The following ASAP1 variants were observed in gnomAD, a reference collection of about 807,000 sequenced individuals.
ASAP1 encodes arf-GAP with SH3 domain, ANK repeat and PH domain-containing protein 1.
In ASAP1, 43 loss-of-function variants were observed where a neutral mutation model predicts 145.2. The ratio of observed to expected loss-of-function variants is 0.30; its 90% CI spans 0.23 to 0.38. The LOEUF (loss-of-function observed/expected upper bound fraction) is 0.38, where lower values mean the gene tolerates loss of function less well. Among genes scored for constraint, ASAP1 ranks in the 10% least tolerant of loss-of-function variants. ASAP1 has a pLI of 1.00. For synonymous variants in ASAP1, 546 were observed against 515.5 expected, an observed-to-expected ratio of 1.06 and a Z score of -0.80; for missense variants, 1,018 against 1,355.3, an observed-to-expected ratio of 0.75 and a Z score of 3.91.
At chr8:130,369,995 C>T (rs1397077192) in intron 2 of ASAP1, among the ~76,000 whole-genome samples, 1 of 152,086 alleles carries the variant, frequency 6.6e-6, no homozygotes, top group African/African-American at 2.4e-5. Context: ...TGAATGGGAA[C>T]AGTGCCTTAT....
chr8:130,369,124 T>C (rs1189569856), intron 2 of ASAP1, among the ~76,000 whole-genome samples: 1 of 152,170 alleles, frequency 6.6e-6, no homozygotes, highest in Non-Finnish European at 1.5e-5. Flanking sequence ...TGGGAGAAAA[T>C]AGTTTCAAAT....
At chr8:130,114,972 T>C (rs1398287295) in intron 23 of ASAP1, among the ~76,000 whole-genome samples, 1 of 152,044 alleles carries the variant, frequency 6.6e-6, no homozygotes, top group Non-Finnish European at 1.5e-5. Context: ...TTTGCTTAGG[T>C]TGCTCTCGAA....
chr8:130,135,873 A>G (rs920485926), intron 14 of ASAP1, among the ~76,000 whole-genome samples: 2 of 152,216 alleles, frequency 1.3e-5, no homozygotes, highest in Non-Finnish European at 2.9e-5. Flanking sequence ...CAGGGAATCT[A>G]AACTTCATAC....
intron 1 of ASAP1, among the ~76,000 whole-genome samples, chr8:130,402,778 C>T (rs1188020613): frequency 2.0e-5 from 3 of 152,144 alleles, no homozygotes; most frequent in African/African-American, 7.2e-5. Context: ...CTCTCCCCAC[C>T]TCCACTGGTC....
At position 130,167,756 on chromosome 8, in the gene ASAP1, C is replaced by A. The variant is rs542694192; in HGVS notation, c.823-134G>T. On this transcript the variant is annotated intron_variant, in intron 10 of 29. Transcript: ENST00000518721. ...TTACTAAAAGTCCTTTATACTGTCT[C>A]ATTTTTGATATGATATTTCTCATCT... The A allele has an allele frequency of 1.1e-4, 67 of 624,074 alleles. No homozygotes were observed. The Admixed American group carries it at 1.6e-3, about 15-fold the overall frequency. 38.7% of individuals were successfully genotyped at this position (624,074 alleles called of 1,614,324 possible).
Position 130,358,305 on chromosome 8 carries a change from G to A in ASAP1, c.60-162C>T, listed in dbSNP as rs866590298. Among the ~76,000 whole-genome samples the A allele has an allele frequency of 3.3e-5, 5 of 149,924 alleles. No homozygotes were observed. The highest frequency in any genetic ancestry group is 3.4e-3 in the Middle Eastern group (1 of 290). ...CGTCCCCGGCAGCGGCGAGAGGGAG[G>A]GAAGGAGGCGGGCGAAGGCAGGCGG... On this transcript the variant is annotated intron_variant, in intron 2 of 29. Transcript: ENST00000518721. The surrounding 1 kb of genome is among the most constrained non-coding windows in gnomAD (Gnocchi z 4.1).
chr8:130,321,834 G>C (rs1254959937), intron 3 of ASAP1, among the ~76,000 whole-genome samples: 1 of 152,148 alleles, frequency 6.6e-6, no homozygotes, highest in East Asian at 1.9e-4. Flanking sequence ...ACTTCCCCTA[G>C]TATGAGATTC....
At chr8:130,400,355 T>A (rs1444770919) in intron 2 of ASAP1, among the ~76,000 whole-genome samples, 3 of 152,174 alleles carry the variant, frequency 2.0e-5, no homozygotes, top group African/African-American at 7.2e-5. Flanking sequence ...TATCATCCTC[T>A]AACACAAACT....
intron 11 of ASAP1, 30 bp from the exon 12 acceptor site, chr8:130,159,994 A>C: frequency 6.4e-7 from 1 of 1,565,174 alleles, no homozygotes; most frequent in Non-Finnish European, 8.8e-7. Context: ...GATTAAACAA[A>C]AACTAGAGAC....
At chr8:130,087,010 T>A (rs2097494795) in intron 25 of ASAP1, among the ~76,000 whole-genome samples, 1 of 152,148 alleles carries the variant, frequency 6.6e-6, no homozygotes, top group Non-Finnish European at 1.5e-5. Flanking sequence ...CAAGGCTAAA[T>A]GCAACATCTA....
chr8:130,244,774 T>C (rs1275813666), intron 3 of ASAP1, among the ~76,000 whole-genome samples: 1 of 152,160 alleles, frequency 6.6e-6, no homozygotes, highest in East Asian at 1.9e-4. Flanking sequence ...GTGTCCCCTG[T>C]GGGCCAGGTG....
intron 2 of ASAP1, among the ~76,000 whole-genome samples, chr8:130,370,438 G>A (rs759153030): frequency 6.6e-6 from 1 of 152,226 alleles, no homozygotes; most frequent in Non-Finnish European, 1.5e-5. Flanking sequence ...CTGGTACCCT[G>A]ATCTCAGACT....
At chr8:130,300,190 A>AGAGC (rs1206469856) in intron 3 of ASAP1, among the ~76,000 whole-genome samples, 1 of 148,270 alleles carries the variant, frequency 6.7e-6, no homozygotes, top group Non-Finnish European at 1.5e-5. Context: ...AGAGAGAGCG[A>AGAGC]GCGAGCGAGC....
intron 5 of ASAP1, among the ~76,000 whole-genome samples, chr8:130,196,197 C>G (rs1315128610): frequency 6.6e-6 from 1 of 152,150 alleles, no homozygotes; most frequent in African/African-American, 2.4e-5. Context: ...CAAAAATTAG[C>G]CAGGTGTGTT....
chr8:130,224,997 G>A (rs1295996751), intron 4 of ASAP1, among the ~76,000 whole-genome samples: 1 of 152,180 alleles, frequency 6.6e-6, no homozygotes, highest in Non-Finnish European at 1.5e-5. Flanking sequence ...TCAGCACATA[G>A]ATGTTACTGT....
intron 24 of ASAP1, among the ~76,000 whole-genome samples, chr8:130,104,837 A>G (rs2097534418): frequency 6.6e-6 from 1 of 152,238 alleles, no homozygotes; most frequent in Non-Finnish European, 1.5e-5. Flanking sequence ...TGGGAGACCA[A>G]ATAAAAGTAT....
intron 1 of ASAP1, among the ~76,000 whole-genome samples, chr8:130,403,292 GT>G (rs992999127): frequency 1.5e-5 from 2 of 129,592 alleles, no homozygotes; most frequent in Admixed American, 7.4e-5. Flanking sequence ...TTTAACAAGT[GT>G]TTTTTTTTAA....
chr8:130,371,855 G>T (rs1272838008), intron 2 of ASAP1, among the ~76,000 whole-genome samples: 1 of 152,090 alleles, frequency 6.6e-6, no homozygotes, highest in Non-Finnish European at 1.5e-5. Flanking sequence ...ATGTTATTTG[G>T]GTTTTTGTTT....
intron 24 of ASAP1, among the ~76,000 whole-genome samples, chr8:130,101,349 C>T (rs1022798685): frequency 6.6e-6 from 1 of 152,106 alleles, no homozygotes; most frequent in African/African-American, 2.4e-5. Flanking sequence ...GAGATTGCAT[C>T]GAATCTGTAG....
Sources: allele counts gnomAD v4.1 joint callset (sites outside exome capture counted in the v4.1 genomes callset), GRCh38; gene constraint gnomAD v4.1.1; non-coding constraint Gnocchi (gnomAD v3.1); transcripts MANE v1.5; gene names NCBI Gene and HGNC (gene_info 2026-07-23, HGNC 2026-07-21).